The following ARHGEF26 variants were observed in gnomAD, a reference collection of about 807,000 sequenced individuals.
ARHGEF26 encodes the protein Rho guanine nucleotide exchange factor 26.
Under a neutral mutation model 89.4 loss-of-function variants are expected in ARHGEF26, and 59 were observed. That is an observed-to-expected ratio of 0.66 (90% CI 0.54 to 0.82). ARHGEF26 has a LOEUF of 0.82. Ranked by LOEUF, ARHGEF26 falls within the 40% of genes least tolerant of loss-of-function variation. The pLI is 0.00. For missense variants in ARHGEF26, 1,234 were observed against 1,085.6 expected (o/e 1.14, Z -1.92); for synonymous variants, 500 against 428.4 (o/e 1.17, Z -2.06).
chr3:154,190,924 A>G (rs1401612045), intron 7 of ARHGEF26, among the ~76,000 whole-genome samples: 1 of 152,204 alleles, frequency 6.6e-6, no homozygotes, highest in South Asian at 2.1e-4. Context: ...ATATGTTTAT[A>G]GATGATCGGA....
At chr3:154,137,519 C>T (rs1719085380) in intron 4 of ARHGEF26, among the ~76,000 whole-genome samples, 1 of 152,174 alleles carries the variant, frequency 6.6e-6, no homozygotes, top group Non-Finnish European at 1.5e-5. Flanking sequence ...AGAATTACTA[C>T]TCTAGCTAAG....
In ARHGEF26 at chr3:154,227,801, C is replaced by T. The variant is rs1025616485; in HGVS notation, c.2090+1791C>T. On this transcript the variant is annotated intron_variant, in intron 11 of 14. Transcript: ENST00000465093. ...TGTCTCAGTAGACCAAGAGCTTTAA[C>T]TAAAATTTGATTTAAATGGTAAAAT... Among the ~76,000 whole-genome samples, 7 of 152,192 alleles carry T rather than the reference C, an allele frequency of 4.6e-5. No individual in the cohort carries two copies. In the East Asian group the frequency reaches 1.2e-3, roughly 25 times the overall value.
chr3:154,225,837 G>T lies in ARHGEF26; in HGVS notation c.1936-19G>T. On this transcript the variant is annotated intron_variant, in intron 10 of 14. Coordinates refer to ENST00000465093, the MANE Select transcript of ARHGEF26 (RefSeq NM_015595.4). ...GATTTCAATTTAGCTTTGGTCACTG[G>T]GTTTTTCTCCTTTTGTAGCCTTTTC... 6.3e-7 allele frequency: 1 copy of T among 1,576,344 alleles called. No homozygotes were observed. Among genetic ancestry groups the T allele is most frequent in the Non-Finnish European group, 8.6e-7 (1 of 1,166,344 alleles).
At chr3:154,251,311 T>C (rs1301990219) in intron 12 of ARHGEF26, among the ~76,000 whole-genome samples, 1 of 152,242 alleles carries the variant, frequency 6.6e-6, no homozygotes, top group African/African-American at 2.4e-5. Context: ...TGCAATTGTT[T>C]AGTACCATAC....
chr3:154,228,826 AG>A (rs759882821), intron 11 of ARHGEF26, among the ~76,000 whole-genome samples: 1 of 152,208 alleles, frequency 6.6e-6, no homozygotes, highest in Non-Finnish European at 1.5e-5. Context: ...CTTGGCCACA[AG>A]TTACAGATAA....
intron 4 of ARHGEF26, among the ~76,000 whole-genome samples, chr3:154,144,664 T>C (rs1214830496): frequency 1.3e-5 from 2 of 152,190 alleles, no homozygotes; most frequent in Non-Finnish European, 2.9e-5. Context: ...TGTCTGTAGA[T>C]GGTGATGCAG....
chr3:154,147,066 A>G (rs1473007427), intron 4 of ARHGEF26, among the ~76,000 whole-genome samples: 1 of 152,204 alleles, frequency 6.6e-6, no homozygotes, highest in East Asian at 1.9e-4. Flanking sequence ...TTGGCTGTCT[A>G]CATGTTCCCA....
intron 11 of ARHGEF26, among the ~76,000 whole-genome samples, chr3:154,231,266 C>T (rs1199761155): frequency 1.3e-5 from 2 of 152,076 alleles, no homozygotes; most frequent in African/African-American, 2.4e-5. Context: ...GCCTTGATTC[C>T]TCTGATGTTA....
chr3:154,132,210 A>C (rs1576683532), intron 4 of ARHGEF26, among the ~76,000 whole-genome samples: 2 of 152,104 alleles, frequency 1.3e-5, no homozygotes, highest in African/African-American at 4.8e-5. Context: ...AAGTGCTTTA[A>C]ACCCATAGAA....
chr3:154,256,131 A>C lies in ARHGEF26; in HGVS notation c.*658A>C. On this transcript the variant is annotated 3_prime_UTR_variant, in exon 15 of 15. Transcript: ENST00000465093. ...TTTAAAAAAAAATCCATCTCACCCC[A>C]TATTGTTCTTAAATAAGTATAGACT... The C allele has an allele frequency of 1.0e-6, 1 of 985,366 alleles. No individual in the cohort carries two copies. Among genetic ancestry groups the C allele is most frequent in the Non-Finnish European group, 1.2e-6 (1 of 829,508 alleles). 61.0% of individuals were successfully genotyped at this position (985,366 alleles called of 1,614,324 possible).
chr3:154,249,830 G>T (rs568474523), intron 12 of ARHGEF26, among the ~76,000 whole-genome samples: 6 of 152,330 alleles, frequency 3.9e-5, no homozygotes, highest in Admixed American at 3.3e-4. Flanking sequence ...GGTAGATTGT[G>T]AATTCATCTC....
chr3:154,234,149 G>A (rs985682777), intron 11 of ARHGEF26, among the ~76,000 whole-genome samples: 8 of 152,244 alleles, frequency 5.3e-5, no homozygotes, highest in East Asian at 1.9e-4. Context: ...CAATGTAAGC[G>A]GGTACGTGAG....
In ARHGEF26 at chr3:154,257,549, A is replaced by T. The variant is rs1167502000; in HGVS notation, c.*2076A>T. The T allele has an allele frequency of 6.6e-6, 1 of 152,254 alleles. No homozygotes were observed. Among genetic ancestry groups the T allele is most frequent in the East Asian group, 1.9e-4 (1 of 5,194 alleles). 9.4% of individuals were successfully genotyped at this position (152,254 alleles called of 1,614,324 possible). On this transcript the variant is annotated 3_prime_UTR_variant, in exon 15 of 15. Coordinates refer to ENST00000465093, the MANE Select transcript of ARHGEF26 (RefSeq NM_015595.4). ...ATAAGAATGTTAAACAGCTTTGGAA[A>T]TACATGCATCTTATGAATCATAGCC...
chr3:154,133,496 G>T (rs1007997308), intron 4 of ARHGEF26, among the ~76,000 whole-genome samples: 1 of 151,316 alleles, frequency 6.6e-6, no homozygotes, highest in Non-Finnish European at 1.5e-5. Context: ...GATCTGGCAG[G>T]TTTGTAGAAG....
At chr3:154,180,235 T>C (rs1213043752) in intron 6 of ARHGEF26, among the ~76,000 whole-genome samples, 2 of 152,196 alleles carry the variant, frequency 1.3e-5, no homozygotes, top group East Asian at 1.9e-4. Flanking sequence ...ACTTTTACCA[T>C]GTAAGATAAC....
chr3:154,149,475 G>T, intron 5 of ARHGEF26, 30 bp downstream of exon 5: 2 of 1,584,948 alleles, frequency 1.3e-6, no homozygotes, highest in Non-Finnish European at 1.7e-6. Flanking sequence ...CTGCTTTAGA[G>T]CTCTGGAGTG....
At chr3:154,126,957 G>A (rs1286130169) in intron 3 of ARHGEF26, among the ~76,000 whole-genome samples, 2 of 152,206 alleles carry the variant, frequency 1.3e-5, no homozygotes, top group Admixed American at 1.3e-4. Context: ...ACTGTAGGCA[G>A]TTGTAACACA....
chr3:154,156,550 GT>G (rs1720351498), intron 6 of ARHGEF26, among the ~76,000 whole-genome samples: 1 of 152,126 alleles, frequency 6.6e-6, no homozygotes, highest in African/African-American at 2.4e-5. Context: ...AACTAGGAAT[GT>G]TCAGCTTTTA....
At chr3:154,156,666 C>T (rs889965368) in intron 6 of ARHGEF26, among the ~76,000 whole-genome samples, 1 of 152,126 alleles carries the variant, frequency 6.6e-6, no homozygotes, top group Non-Finnish European at 1.5e-5. Flanking sequence ...TCAAAGTACT[C>T]AGAAGATTTA....
Sources: gnomAD v4.1 joint callset for allele counts (sites outside exome capture counted in the v4.1 genomes callset) on GRCh38, gnomAD v4.1.1 for gene constraint, MANE v1.5 for transcripts, NCBI Gene and HGNC (gene_info 2026-07-23, HGNC 2026-07-21) for gene names.